RALGAPA2: variants seen among roughly 807,000 people sequenced by gnomAD.
RALGAPA2 encodes ral GTPase-activating protein subunit alpha-2.
A neutral mutation model predicts 230.4 loss-of-function variants in RALGAPA2; 139 were observed. The observed-to-expected ratio is 0.60, with a 90% CI of 0.53 to 0.69. The LOEUF (loss-of-function observed/expected upper bound fraction) is 0.69. RALGAPA2 is among the 30% of genes least tolerant of loss of function. The pLI is 0.00. For missense variants in RALGAPA2, 2,163 were observed against 2,276.0 expected (o/e 0.95, Z 1.01); for synonymous variants, 847 against 837.8 (o/e 1.01, Z -0.19).
At chr20:20,511,188 G>T in intron 33 of RALGAPA2, 66 bp downstream of exon 33, 1 of 1,536,020 alleles carries the variant, frequency 6.5e-7, no homozygotes, top group Non-Finnish European at 8.7e-7. Context: ...TCCTGCTGTT[G>T]TATCTGTTAT....
chr20:20,647,098 A>T (rs1296594315), intron 4 of RALGAPA2, among the ~76,000 whole-genome samples: 3 of 152,168 alleles, frequency 2.0e-5, no homozygotes, highest in Admixed American at 2.0e-4. Context: ...AGATTGTAAG[A>T]ATTGTCACAT....
intron 20 of RALGAPA2, among the ~76,000 whole-genome samples, chr20:20,576,186 T>G (rs2064814840): frequency 6.6e-6 from 1 of 152,166 alleles, no homozygotes; most frequent in South Asian, 2.1e-4. Context: ...ATCTAATTTC[T>G]CCACTATTAA....
chr20:20,390,172 G>A lies in RALGAPA2; in HGVS notation c.*3117C>T, dbSNP rs2059581577. 6.6e-6 allele frequency: 1 copy of A among 152,160 alleles called. No individual in the cohort carries two copies. The highest frequency in any genetic ancestry group is 1.5e-5 in the Non-Finnish European group (1 of 68,044). The allele number at this position is 152,160 out of a possible 1,614,324, so 9.4% of individuals were successfully genotyped here. ...CCATGGGGCGCAGGTGGTGCCACCT[G>A]AGGAAGGTCAGGAAGACAGGATGTG... On this transcript the variant is annotated 3_prime_UTR_variant, in exon 40 of 40. Transcript: ENST00000202677.
At chr20:20,670,331 T>C (rs1463646819) in intron 3 of RALGAPA2, among the ~76,000 whole-genome samples, 1 of 152,226 alleles carries the variant, frequency 6.6e-6, no homozygotes, top group Non-Finnish European at 1.5e-5. Flanking sequence ...GTTAGAATAA[T>C]AGGTTCTAGA....
intron 36 of RALGAPA2, among the ~76,000 whole-genome samples, chr20:20,485,036 C>G (rs2061873832): frequency 6.6e-6 from 1 of 151,748 alleles, no homozygotes; most frequent in African/African-American, 2.4e-5. Flanking sequence ...TTTCTTAAAA[C>G]ATTATGAGAT....
chr20:20,419,763 T>C (rs1471345885), intron 37 of RALGAPA2, among the ~76,000 whole-genome samples: 4 of 152,218 alleles, frequency 2.6e-5, no homozygotes, highest in African/African-American at 9.6e-5. Flanking sequence ...TACATTATCC[T>C]AGTCTGCTCA....
intron 16 of RALGAPA2, among the ~76,000 whole-genome samples, chr20:20,591,703 C>A (rs1477581654): frequency 2.0e-5 from 3 of 152,142 alleles, no homozygotes; most frequent in Non-Finnish European, 2.9e-5. Context: ...CACACACACA[C>A]ACACATACAC....
intron 1 of RALGAPA2, among the ~76,000 whole-genome samples, chr20:20,695,927 A>G (rs1432183029): frequency 1.3e-5 from 2 of 152,108 alleles, no homozygotes; most frequent in African/African-American, 4.8e-5. Flanking sequence ...CTGACCCATC[A>G]ACATTTTTCT....
At chr20:20,663,082 C>T (rs2067837349) in intron 3 of RALGAPA2, among the ~76,000 whole-genome samples, 1 of 151,930 alleles carries the variant, frequency 6.6e-6, no homozygotes, top group African/African-American at 2.4e-5. Context: ...CAATGAGAAT[C>T]GAAATTACAT....
At chr20:20,491,817 C>T (rs971015950) in intron 36 of RALGAPA2, among the ~76,000 whole-genome samples, 2 of 151,718 alleles carry the variant, frequency 1.3e-5, no homozygotes, top group Admixed American at 1.3e-4. Context: ...AATGATGCTG[C>T]TAAGCACACT....
At chr20:20,522,882 T>C (rs1316310488) in intron 30 of RALGAPA2, among the ~76,000 whole-genome samples, 1 of 152,230 alleles carries the variant, frequency 6.6e-6, no homozygotes, top group Non-Finnish European at 1.5e-5. Context: ...GCTAATGCCG[T>C]TGGCCCAAAC....
At chr20:20,549,794 G>C (rs376682219) in intron 23 of RALGAPA2, among the ~76,000 whole-genome samples, 1 of 152,092 alleles carries the variant, frequency 6.6e-6, no homozygotes, top group African/African-American at 2.4e-5. Context: ...TTAAGACACA[G>C]CTATAACAGA....
At chr20:20,394,721 G>A (rs2059671485) in intron 39 of RALGAPA2, among the ~76,000 whole-genome samples, 1 of 152,030 alleles carries the variant, frequency 6.6e-6, no homozygotes, top group Non-Finnish European at 1.5e-5. Context: ...ATCCACAAGA[G>A]AAGCTAGATT....
chr20:20,493,184 G>A (rs969344320), intron 36 of RALGAPA2, among the ~76,000 whole-genome samples: 3 of 152,088 alleles, frequency 2.0e-5, no homozygotes, highest in African/African-American at 4.8e-5. Context: ...CTTTCCCTCC[G>A]CAAGCCTCTT....
intron 5 of RALGAPA2, among the ~76,000 whole-genome samples, chr20:20,642,124 G>GAGGGA (rs1397974569): frequency 9.2e-5 from 6 of 64,940 alleles, no homozygotes; most frequent in Admixed American, 2.9e-4. Flanking sequence ...GAGGGGAGGG[G>GAGGGA]AGGGGAGGGG....
At chr20:20,498,362 G>A (rs901096769) in intron 35 of RALGAPA2, among the ~76,000 whole-genome samples, 1 of 152,216 alleles carries the variant, frequency 6.6e-6, no homozygotes, top group East Asian at 1.9e-4. Context: ...TAAGTCTTAA[G>A]AAATCAATCC....
At chr20:20,402,674 CAT>C (rs1417363822) in intron 38 of RALGAPA2, among the ~76,000 whole-genome samples, 2 of 152,250 alleles carry the variant, frequency 1.3e-5, no homozygotes, top group Admixed American at 1.3e-4. Flanking sequence ...TCACCAGACA[CAT>C]ATGACATACC....
At chr20:20,451,343 G>C (rs554914777) in intron 37 of RALGAPA2, among the ~76,000 whole-genome samples, 1 of 152,196 alleles carries the variant, frequency 6.6e-6, no homozygotes, top group South Asian at 2.1e-4. Flanking sequence ...CATCAATTCT[G>C]AGTGTCTAGC....
chr20:20,398,349 G>A lies in RALGAPA2; in HGVS notation c.5618-1615C>T, dbSNP rs1434533927. On this transcript the variant is annotated intron_variant, in intron 38 of 39. Transcript: ENST00000202677. This position sits in a 1 kb window ranked among gnomAD's most constrained non-coding sequence, Gnocchi z 4.5. ...AGGACTTGTTTGTAATTGCTGATGA[G>A]GACTGGGTTGCCCCTCTCCTGTGCA... is the stretch of plus-strand genomic sequence containing the variant. Among the ~76,000 whole-genome samples, 2 of 152,198 alleles carry A rather than the reference G, an allele frequency of 1.3e-5. No homozygotes were observed. Among genetic ancestry groups the A allele is most frequent in the Admixed American group, 1.3e-4 (2 of 15,276 alleles).
Sources: allele counts gnomAD v4.1 joint callset (sites outside exome capture counted in the v4.1 genomes callset), GRCh38; gene constraint gnomAD v4.1.1; non-coding constraint Gnocchi (gnomAD v3.1); transcripts MANE v1.5; gene names NCBI Gene and HGNC (gene_info 2026-07-23, HGNC 2026-07-21).